Variants in RBM12 observed in about 807,000 individuals in gnomAD.
RBM12 encodes the protein RNA-binding protein 12.
RBM12 carries 24 observed loss-of-function variants against 37.2 expected under a neutral mutation model. That is an observed-to-expected ratio of 0.65 (90% confidence interval 0.47 to 0.91). The LOEUF (loss-of-function observed/expected upper bound fraction) is 0.91, where lower values mean the gene tolerates loss of function less well. Among genes scored for constraint, RBM12 ranks in the 40% least tolerant of loss-of-function variants. The probability of loss-of-function intolerance (pLI) is 0.00; values close to 1 mark genes in which losing one functional copy is unlikely to be tolerated. For missense variants in RBM12, 1,061 were observed against 1,183.2 expected, an observed-to-expected ratio of 0.90 and a Z score of 1.52; for synonymous variants, 420 against 425.2, an observed-to-expected ratio of 0.99 and a Z score of 0.15.
At chr20:35,663,156 A>G (rs2034328654) in intron 1 of RBM12, among the ~76,000 whole-genome samples, 1 of 152,206 alleles carries the variant, frequency 6.6e-6, no homozygotes, top group South Asian at 2.1e-4. Flanking sequence ...ACTCTTTGAA[A>G]ATGTCTGCAC....
In RBM12 at chr20:35,661,617, T is replaced by C. The variant is rs989089324; in HGVS notation, c.-107-2603A>G. Reference sequence around the variant, plus strand: ...AAAGGCTTGCTTCAACTTGACAAAATACCGGATGCATGCACAAATCACAAG... The same window carrying C: ...AAAGGCTTGCTTCAACTTGACAAAACACCGGATGCATGCACAAATCACAAG... On this transcript the variant is annotated intron_variant, in intron 1 of 2. Coordinates refer to ENST00000374114, the MANE Select transcript of RBM12 (RefSeq NM_006047.6). Among the ~76,000 whole-genome samples, 4 of 152,282 alleles carry C rather than the reference T, an allele frequency of 2.6e-5. No homozygotes were observed. The East Asian group carries it at 7.7e-4, about 29-fold the overall frequency.
At position 35,653,527 on chromosome 20, in the gene RBM12, C is replaced by T. The variant is rs778426459; in HGVS notation, c.1796G>A (p.Arg599His). Reference sequence around the variant, plus strand: ...TTTACGGTGTAAGCGTTCAGACTTACGTGCATCATCTTCATTTTTAAACTG... The same window carrying T: ...TTTACGGTGTAAGCGTTCAGACTTATGTGCATCATCTTCATTTTTAAACTG... ...LVQFKNEDDA[R>H]KSERLHRKKL... is the part of the protein sequence containing the mutation. Residue 599 changes from arginine (R) to histidine (H), a missense_variant, in exon 3 of 3, where the codon CGT (arginine) becomes CAT (histidine). Arg to His is a conservative substitution (Grantham distance 29). Around this residue, in one of 3 missense-constraint regions of RBM12, gnomAD observed 517 missense variants for 534.0 expected, o/e 0.97. Transcript: ENST00000374114. The T allele has an allele frequency of 2.0e-5, 33 of 1,614,098 alleles. No homozygotes were observed. Among genetic ancestry groups the T allele is most frequent in the Non-Finnish European group, 2.5e-5 (29 of 1,180,054 alleles).
At chr20:35,662,786 T>C (rs1345020061) in intron 1 of RBM12, among the ~76,000 whole-genome samples, 1 of 152,136 alleles carries the variant, frequency 6.6e-6, no homozygotes, top group Non-Finnish European at 1.5e-5. Context: ...CTCTCAATAC[T>C]CAATCATCAA....
chr20:35,661,903 A>T (rs1425398693), intron 1 of RBM12, among the ~76,000 whole-genome samples: 2 of 152,210 alleles, frequency 1.3e-5, no homozygotes, highest in Non-Finnish European at 2.9e-5. Flanking sequence ...TCCAAAAGAA[A>T]CAAACTCTCA....
rs764092667 is a variant in RBM12, at chr20:35,654,076, C to T, written c.1247G>A (p.Gly416Glu). 1 of 1,614,020 alleles carries T rather than the reference C, an allele frequency of 6.2e-7. No individual in the cohort carries two copies. The highest frequency in any genetic ancestry group is 8.5e-7 in the Non-Finnish European group (1 of 1,180,046). The change falls in exon 3 of 3, where the codon GGG becomes GAG. Residue 416 changes from glycine (G) to glutamate (E), a missense_variant. Around this residue, in one of 3 missense-constraint regions of RBM12, gnomAD observed 540 missense variants for 632.7 expected, o/e 0.85. Coordinates refer to ENST00000374114, the MANE Select transcript of RBM12 (RefSeq NM_006047.6). Reference protein sequence around the residue: ...QTLPRSKSPSGQKRSRSRSPH... With the variant: ...QTLPRSKSPSEQKRSRSRSPH... Reference sequence around the variant, plus strand: ...TGATCTTGACCTTGATCTTTTCTGCCCACTGGGCGATTTTGACCTGGGAAG... The same window carrying T: ...TGATCTTGACCTTGATCTTTTCTGCTCACTGGGCGATTTTGACCTGGGAAG...
At chr20:35,663,678 A>ATT (rs2034362004) in intron 1 of RBM12, among the ~76,000 whole-genome samples, 3 of 152,198 alleles carry the variant, frequency 2.0e-5, no homozygotes, top group Admixed American at 2.0e-4. Context: ...TTTAGCACTT[A>ATT]ATACTGAGTA....
chr20:35,663,056 T>G (rs2034322513), intron 1 of RBM12, among the ~76,000 whole-genome samples: 1 of 152,244 alleles, frequency 6.6e-6, no homozygotes, highest in Non-Finnish European at 1.5e-5. Context: ...TCTTCATTGT[T>G]TTGTATAAAC....
In RBM12 at chr20:35,654,731, A is replaced by G. The variant is rs1268441730; in HGVS notation, c.592T>C (p.Ser198Pro). 1.2e-6 allele frequency: 2 copies of G among 1,613,664 alleles called. No homozygotes were observed. Among genetic ancestry groups the G allele is most frequent in the Non-Finnish European group, 1.7e-6 (2 of 1,179,692 alleles). The change falls in exon 3 of 3, where the codon TCT (serine) becomes CCT (proline). Residue 198 changes from serine (S) to proline (P), a missense_variant. Ser to Pro is a moderately conservative substitution (Grantham distance 74). Around this residue, in one of 3 missense-constraint regions of RBM12, gnomAD observed 540 missense variants for 632.7 expected, o/e 0.85. Transcript: ENST00000374114. Reference protein sequence around the residue: ...PPIPPIPAMPSLPPMPSIPPI... With the variant: ...PPIPPIPAMPPLPPMPSIPPI... ...GGAATGGATGGCATTGGTGGCAGAG[A>G]TGGCATCGCTGGAATTGGAGGAATT...
rs1241229995 is a variant in RBM12, at chr20:35,654,872, A to G, written c.451T>C (p.Ser151Pro). Residue 151 changes from serine to proline, a missense_variant, in exon 3 of 3, where the codon TCC (serine) becomes CCC (proline). This residue lies in a region of RBM12 where 540 missense variants were observed against 632.7 expected (regional missense o/e 0.85). Transcript: ENST00000374114. ...HESNKNIQTF[S>P]TASVGTAPPN... ...GGAGCTGTTCCTACGCTGGCTGTGG[A>G]AAATGTCTGTATGTTTTTGTTGCTT... is the stretch of plus-strand genomic sequence containing the variant. The G allele has an allele frequency of 6.2e-7, 1 of 1,614,048 alleles. No individual in the cohort carries two copies. The highest frequency in any genetic ancestry group is 1.3e-5 in the African/African-American group (1 of 74,916).
At position 35,653,709 on chromosome 20, in the gene RBM12, AT is replaced by A; in HGVS notation, c.1613del (p.Asp538ValfsTer11). 6.2e-7 allele frequency: 1 copy of A among 1,614,202 alleles called. No homozygotes were observed. The highest frequency in any genetic ancestry group is 8.5e-7 in the Non-Finnish European group (1 of 1,180,038). ...GGGCACAGACTTTGGCAGAGTTGAC[AT>A]CCCCCTCTGGATTTAGTATCATTTC... ...QREMILNPEG[D>X]VNSAKVCAHI... On this transcript the variant is annotated frameshift_variant, in exon 3 of 3. Coordinates refer to ENST00000374114, the MANE Select transcript of RBM12 (RefSeq NM_006047.6). LOFTEE classifies it high-confidence loss of function.
intron 1 of RBM12, chr20:35,664,412 A>G (rs1366385424): frequency 2.0e-5 from 3 of 152,228 alleles, no homozygotes; most frequent in Non-Finnish European, 2.9e-5. Context: ...GAGACAAGAA[A>G]TCCTCCGTAC....
At position 35,655,126 on chromosome 20, in the gene RBM12, C is replaced by T; in HGVS notation, c.197G>A (p.Gly66Glu). ...GMMRTGGTIK[G>E]SKVTLLLSSK... ...ACTCAACAATAGTGTTACTTTTGACCCTTTAATTGTACCACCTGTGCGCAT... is the reference window on the plus strand; with the variant it reads ...ACTCAACAATAGTGTTACTTTTGACTCTTTAATTGTACCACCTGTGCGCAT... Residue 66 changes from glycine (G) to glutamate (E), a missense_variant, in exon 3 of 3, where the codon GGG becomes GAG. By Grantham distance (98) the Gly-to-Glu change is moderately conservative. Transcript: ENST00000374114. 6.2e-7 allele frequency: 1 copy of T among 1,614,142 alleles called. No individual in the cohort carries two copies. Among genetic ancestry groups the T allele is most frequent in the South Asian group, 1.1e-5 (1 of 91,072 alleles).
chr20:35,659,120 C>A, intron 1 of RBM12, 106 bp from the exon 2 acceptor site: 38 of 363,118 alleles, frequency 1.0e-4, no homozygotes, highest in Non-Finnish European at 1.4e-4. Context: ...CACCAGAGTA[C>A]TTCATTAGAA....
chr20:35,659,526 A>G (rs1187627429), intron 1 of RBM12, among the ~76,000 whole-genome samples: 1 of 152,260 alleles, frequency 6.6e-6, no homozygotes, highest in Non-Finnish European at 1.5e-5. Context: ...ATAGCATCCA[A>G]CATCACAAAA....
Position 35,652,921 on chromosome 20 carries a change from C to A in RBM12, c.2402G>T (p.Gly801Val). The A allele has an allele frequency of 6.2e-7, 1 of 1,613,792 alleles. No homozygotes were observed. Among genetic ancestry groups the A allele is most frequent in the Middle Eastern group, 1.7e-4 (1 of 6,050 alleles). Residue 801 changes from glycine to valine, a missense_variant, in exon 3 of 3, where the codon GGT (glycine) becomes GTT (valine). Transcript: ENST00000374114. ...NFGNGPGSLG[G>V]PPGFGSGPPG... ...AGGGCCACTTCCAAACCCCGGGGGA[C>A]CGCCTAAGCTACCAGGGCCATTTCC...
chr20:35,655,974 C>CA (rs1396456499), intron 2 of RBM12, among the ~76,000 whole-genome samples: 3 of 152,218 alleles, frequency 2.0e-5, no homozygotes, highest in Middle Eastern at 3.4e-3. Context: ...TTGTACATTA[C>CA]AAAAAACTAC....
intron 1 of RBM12, among the ~76,000 whole-genome samples, chr20:35,660,321 T>C (rs914091246): frequency 1.3e-5 from 2 of 152,212 alleles, no homozygotes; most frequent in African/African-American, 4.8e-5. Flanking sequence ...CAAGCTATTC[T>C]CATGCCTCAG....
In RBM12 at chr20:35,653,283, T is replaced by C. The variant is rs141348619; in HGVS notation, c.2040A>G (p.Ser680=). Reference sequence around the variant, plus strand: ...CAGGCAGTCCTGCACTGGTTATTGCTGAACCAGGCAGTCCTGTGCTGGGCA... The same window carrying C: ...CAGGCAGTCCTGCACTGGTTATTGCCGAACCAGGCAGTCCTGTGCTGGGCA... ...AGLPSTGLPG[S]AITSAGLPGA... The change falls in exon 3 of 3, where the codon TCA becomes TCG. Residue 680 remains serine, a synonymous_variant. Coordinates refer to ENST00000374114, the MANE Select transcript of RBM12 (RefSeq NM_006047.6). 20 of 1,613,550 alleles carry C rather than the reference T, an allele frequency of 1.2e-5. No individual in the cohort carries two copies. The African/African-American group carries it at 2.1e-4, about 17-fold the overall frequency.
chr20:35,654,900 A>G lies in RBM12; in HGVS notation c.423T>C (p.His141=), dbSNP rs2033803705. The change falls in exon 3 of 3, where the codon CAT becomes CAC. Residue 141 remains histidine, a synonymous_variant. Transcript: ENST00000374114. ...PSVVTATTSV[H]ESNKNIQTFS... ...ATGTCTGTATGTTTTTGTTGCTTTC[A>G]TGAACAGAAGTGGTGGCAGTAACTA... 1 of 1,614,042 alleles carries G rather than the reference A, an allele frequency of 6.2e-7. No individual in the cohort carries two copies. Among genetic ancestry groups the G allele is most frequent in the Non-Finnish European group, 8.5e-7 (1 of 1,180,000 alleles).
Sources: gnomAD v4.1 joint callset for allele counts (sites outside exome capture counted in the v4.1 genomes callset) on GRCh38, gnomAD v4.1.1 for gene constraint, gnomAD v4.1.1 regional missense constraint, MANE v1.5 for transcripts, NCBI Gene and HGNC (gene_info 2026-07-23, HGNC 2026-07-21) for gene names.